The following SMAD1 variants were observed in gnomAD, a reference collection of about 807,000 sequenced individuals.
SMAD1 encodes the protein SMAD family member 1.
A neutral mutation model predicts 41.6 loss-of-function variants in SMAD1; 6 were observed. That is an observed-to-expected ratio of 0.14 (90% confidence interval 0.08 to 0.28). SMAD1 has a LOEUF of 0.28. SMAD1 is among the 10% of genes least tolerant of loss of function. The pLI is 1.00. For missense variants in SMAD1, 379 were observed against 582.6 expected, an observed-to-expected ratio of 0.65 and a Z score of 3.60; for synonymous variants, 206 against 203.2, an observed-to-expected ratio of 1.01 and a Z score of -0.12.
chr4:145,552,958 G>T (rs1358063505), intron 5 of SMAD1, among the ~76,000 whole-genome samples: 1 of 152,080 alleles, frequency 6.6e-6, no homozygotes, highest in African/African-American at 2.4e-5. Context: ...AGTCTGGAGT[G>T]CAGTGGCTCA....
At chr4:145,537,335 T>C (rs1017690422) in intron 2 of SMAD1, among the ~76,000 whole-genome samples, 1 of 152,182 alleles carries the variant, frequency 6.6e-6, no homozygotes, top group Non-Finnish European at 1.5e-5. Flanking sequence ...TCTCAGATAA[T>C]TCAGAAGAAG....
chr4:145,488,175 A>T (rs1003343636), intron 1 of SMAD1, among the ~76,000 whole-genome samples: 1 of 152,042 alleles, frequency 6.6e-6, no homozygotes, highest in African/African-American at 2.4e-5. Context: ...TTCTTAACAA[A>T]TATTTTTTTT....
chr4:145,528,484 C>T (rs750558249), intron 2 of SMAD1, among the ~76,000 whole-genome samples: 1 of 152,160 alleles, frequency 6.6e-6, no homozygotes, highest in Non-Finnish European at 1.5e-5. Context: ...TCAAGTGATT[C>T]ACCCACCTTG....
rs375475398 is a variant in SMAD1, at chr4:145,546,713, G to A, written c.786G>A (p.Ala262=). ...PSEINRGDVQ[A]VAYEEPKHWC... is the part of the protein sequence containing the mutation. Reference sequence around the variant, plus strand: ...TTTTCTTTCCTCTAGATGTTCAGGCGGTTGCTTATGAGGAACCAAAACACT... The same window carrying A: ...TTTTCTTTCCTCTAGATGTTCAGGCAGTTGCTTATGAGGAACCAAAACACT... The change falls in exon 5 of 7, where the codon GCG becomes GCA. Residue 262 remains alanine (A), a synonymous_variant. Coordinates refer to ENST00000302085, the MANE Select transcript of SMAD1 (RefSeq NM_005900.3). The A allele has an allele frequency of 2.2e-4, 347 of 1,612,138 alleles. 1 individual carries two copies. In the East Asian group the frequency reaches 5.1e-3, roughly 24 times the overall value.
chr4:145,495,974 G>A lies in SMAD1; in HGVS notation c.-177+13936G>A, dbSNP rs545428346. Among the ~76,000 whole-genome samples the A allele has an allele frequency of 2.0e-3, 311 of 152,070 alleles. 2 individuals are homozygous for A. The highest frequency in any genetic ancestry group is 7.3e-3 in the African/African-American group (302 of 41,476). Reference sequence around the variant, plus strand: ...TTCTACAGATTCATCATGAGAAAAGGATTATTAAGATTTGAACACATACAA... The same window carrying A: ...TTCTACAGATTCATCATGAGAAAAGAATTATTAAGATTTGAACACATACAA... On this transcript the variant is annotated intron_variant, in intron 1 of 6. Transcript: ENST00000302085.
rs772972577 is a variant in SMAD1, at chr4:145,542,728, T to G, written c.775+30T>G. On this transcript the variant is annotated intron_variant, in intron 4 of 6. Coordinates refer to ENST00000302085, the MANE Select transcript of SMAD1 (RefSeq NM_005900.3). ...AACTAATTGCTGCCTGTTCCCTTTT[T>G]TAGAGTCTAAAGTTTGTCCAGATGT... is the stretch of plus-strand genomic sequence containing the variant. 3 of 1,435,272 alleles carry G rather than the reference T, an allele frequency of 2.1e-6. No homozygotes were observed. The East Asian group carries it at 6.9e-5, about 33-fold the overall frequency. 88.9% of individuals were successfully genotyped at this position (1,435,272 alleles called of 1,614,324 possible).
intron 1 of SMAD1, among the ~76,000 whole-genome samples, chr4:145,496,758 T>A (rs186814092): frequency 6.6e-6 from 1 of 152,194 alleles, no homozygotes; most frequent in Non-Finnish European, 1.5e-5. Context: ...ACTATACTTC[T>A]GTTGAAATTT....
intron 2 of SMAD1, among the ~76,000 whole-genome samples, 157 bp downstream of exon 2, chr4:145,515,170 G>GTGTGTGTGTGTC (rs1553945852): frequency 1.5e-4 from 22 of 150,094 alleles, no homozygotes; most frequent in South Asian, 4.2e-4. Flanking sequence ...GTGTGTGTGT[G>GTGTGTGTGTGTC]TGTGTGTCTG....
chr4:145,508,368 G>C (rs544287067), intron 1 of SMAD1, among the ~76,000 whole-genome samples: 9 of 152,144 alleles, frequency 5.9e-5, no homozygotes, highest in Non-Finnish European at 1.3e-4. Context: ...AATGGGTTCA[G>C]ATCCAGGTTC....
At chr4:145,506,444 G>A (rs1210723393) in intron 1 of SMAD1, among the ~76,000 whole-genome samples, 1 of 152,064 alleles carries the variant, frequency 6.6e-6, no homozygotes, top group Non-Finnish European at 1.5e-5. Flanking sequence ...TTTGTAGCCT[G>A]TATTTTTTGT....
rs1016891007 is a variant in SMAD1 at position 145,482,308 on chromosome 4, C to T, written c.-177+270C>T. Among the ~76,000 whole-genome samples, 2 of 151,646 alleles carry T rather than the reference C, an allele frequency of 1.3e-5. No individual in the cohort carries two copies. The highest frequency in any genetic ancestry group is 4.8e-5 in the African/African-American group (2 of 41,336). ...CTTCTCGCGCCCAGCCCGCCGGGCTCCCCTGGTGTCTTTGTTGGGTCTTCT... is the reference window on the plus strand; with the variant it reads ...CTTCTCGCGCCCAGCCCGCCGGGCTTCCCTGGTGTCTTTGTTGGGTCTTCT... On this transcript the variant is annotated intron_variant, in intron 1 of 6. Coordinates refer to ENST00000302085, the MANE Select transcript of SMAD1 (RefSeq NM_005900.3). The surrounding 1 kb of genome is among the most constrained non-coding windows in gnomAD (Gnocchi z 4.2).
At chr4:145,506,959 A>C (rs1729822611) in intron 1 of SMAD1, among the ~76,000 whole-genome samples, 1 of 152,200 alleles carries the variant, frequency 6.6e-6, no homozygotes, top group Non-Finnish European at 1.5e-5. Context: ...AGCCGTGTCG[A>C]GTAGTATAAG....
intron 1 of SMAD1, among the ~76,000 whole-genome samples, chr4:145,493,940 A>G (rs1728912552): frequency 6.6e-6 from 1 of 152,148 alleles, no homozygotes; most frequent in African/African-American, 2.4e-5. Flanking sequence ...CCTCTGGCCC[A>G]CTTCTACCTT....
Position 145,512,719 on chromosome 4 carries a change from T to C in SMAD1, c.-176-1719T>C, listed in dbSNP as rs964105055. On this transcript the variant is annotated intron_variant, in intron 1 of 6. Transcript: ENST00000302085. ...CTGGGTCACCCGTTAGGTCTGTTTC[T>C]ATTCTGTTTTGTTTTGATCATTTGG... 2.0e-5 allele frequency among the ~76,000 whole-genome samples: 3 copies of C among 152,236 alleles called. No individual in the cohort carries two copies. The South Asian group carries it at 6.2e-4, about 31-fold the overall frequency.
Position 145,557,914 on chromosome 4 carries a change from C to T in SMAD1, c.1378C>T (p.Pro460Ser). ...TACTCAAATGGGTTCACCTCATAAT[C>T]CTATTTCATCTGTATCTTAAATGGC... ...VLTQMGSPHN[P>S]ISSVS The change falls in exon 7 of 7, where the codon CCT becomes TCT. Residue 460 changes from proline to serine, a missense_variant. This residue lies in a region of SMAD1 where 107 missense variants were observed against 218.3 expected (regional missense o/e 0.49). Transcript: ENST00000302085. 1 of 1,608,736 alleles carries T rather than the reference C, an allele frequency of 6.2e-7. No individual in the cohort carries two copies. Among genetic ancestry groups the T allele is most frequent in the Non-Finnish European group, 8.5e-7 (1 of 1,176,760 alleles).
intron 1 of SMAD1, among the ~76,000 whole-genome samples, chr4:145,512,003 C>A (rs1444627360): frequency 1.3e-5 from 2 of 152,184 alleles, no homozygotes; most frequent in Admixed American, 1.3e-4. Flanking sequence ...ATTTCACAAT[C>A]ATTTTTTGAA....
At chr4:145,542,382 C>CAAAA (rs1731994585) in intron 3 of SMAD1, among the ~76,000 whole-genome samples, 200 bp from the exon 4 acceptor site, 1 of 152,190 alleles carries the variant, frequency 6.6e-6, no homozygotes, top group Non-Finnish European at 1.5e-5. Context: ...TGAATTTTCA[C>CAAAA]AAAAATGTAT....
chr4:145,552,399 C>T (rs1732597470), intron 5 of SMAD1, among the ~76,000 whole-genome samples: 1 of 152,160 alleles, frequency 6.6e-6, no homozygotes, highest in South Asian at 2.1e-4. Flanking sequence ...TCATTTAAAC[C>T]CACATGGGAT....
At chr4:145,500,072 A>G (rs973658902) in intron 1 of SMAD1, among the ~76,000 whole-genome samples, 1 of 152,174 alleles carries the variant, frequency 6.6e-6, no homozygotes, top group African/African-American at 2.4e-5. Context: ...CTGTACTTTG[A>G]GAATATATCC....
Sources: allele counts gnomAD v4.1 joint callset (sites outside exome capture counted in the v4.1 genomes callset), GRCh38; gene constraint gnomAD v4.1.1; regional missense constraint gnomAD v4.1.1; non-coding constraint Gnocchi (gnomAD v3.1); transcripts MANE v1.5; gene names NCBI Gene and HGNC (gene_info 2026-07-23, HGNC 2026-07-21).